Variants in CDC73 observed in about 807,000 individuals in gnomAD.
CDC73 encodes parafibromin.
CDC73 carries 21 observed loss-of-function variants against 83.7 expected under a neutral mutation model. The observed-to-expected ratio is 0.25, with a 90% CI of 0.18 to 0.36. The LOEUF is 0.36. CDC73 is among the 10% of genes least tolerant of loss of function. CDC73 has a pLI of 1.00. For missense variants in CDC73, 342 were observed against 653.3 expected (o/e 0.52, Z 5.19); for synonymous variants, 224 against 212.9 (o/e 1.05, Z -0.45).
intron 10 of CDC73, among the ~76,000 whole-genome samples, chr1:193,182,908 T>C (rs903487225): frequency 2.6e-5 from 4 of 152,076 alleles, no homozygotes; most frequent in African/African-American, 9.6e-5. Flanking sequence ...AACTTTTTAT[T>C]ATGAAAATTA....
chr1:193,132,749 A>G (rs898480820), intron 3 of CDC73, among the ~76,000 whole-genome samples: 2 of 152,002 alleles, frequency 1.3e-5, no homozygotes, highest in African/African-American at 4.8e-5. Flanking sequence ...AAGATGTGAT[A>G]TAAGGTCTAA....
chr1:193,244,804 C>T (rs1357872522), intron 15 of CDC73, among the ~76,000 whole-genome samples: 1 of 152,078 alleles, frequency 6.6e-6, no homozygotes, highest in Non-Finnish European at 1.5e-5. Context: ...TGTATTATGT[C>T]CTTATTCTGC....
intron 10 of CDC73, among the ~76,000 whole-genome samples, chr1:193,159,725 A>G (rs1459787032): frequency 2.0e-5 from 3 of 152,214 alleles, no homozygotes; most frequent in Admixed American, 6.5e-5. Context: ...ATGTTTTTAT[A>G]TTAAACATAT....
intron 5 of CDC73, among the ~76,000 whole-genome samples, chr1:193,135,868 C>CTTCTTTTTTTTTTTTTTTTTTT (rs1447225590): frequency 7.9e-6 from 1 of 127,178 alleles, no homozygotes. Flanking sequence ...CCTTTCTGTT[C>CTTCTTTTTTTTTTTTTTTTTTT]TTTTTTTTTT....
chr1:193,134,778 C>T (rs1675760302), intron 3 of CDC73, among the ~76,000 whole-genome samples: 1 of 152,036 alleles, frequency 6.6e-6, no homozygotes, highest in South Asian at 2.1e-4. Context: ...AGTATGTCAC[C>T]TTTTGTATTA....
intron 13 of CDC73, among the ~76,000 whole-genome samples, chr1:193,226,080 A>G (rs1384483265): frequency 6.6e-6 from 1 of 152,098 alleles, no homozygotes; most frequent in Non-Finnish European, 1.5e-5. Flanking sequence ...TCCTTGACCC[A>G]TCTTGAGTTG....
At chr1:193,241,064 G>A (rs1289839974) in intron 15 of CDC73, among the ~76,000 whole-genome samples, 1 of 151,918 alleles carries the variant, frequency 6.6e-6, no homozygotes, top group Non-Finnish European at 1.5e-5. Flanking sequence ...CTTTTTTTTG[G>A]AGGTATCATA....
chr1:193,217,531 G>A (rs1677391299), intron 13 of CDC73, among the ~76,000 whole-genome samples: 1 of 152,068 alleles, frequency 6.6e-6, no homozygotes, highest in South Asian at 2.1e-4. Flanking sequence ...GCTGGTGCCT[G>A]TTGGTGTGCT....
intron 10 of CDC73, among the ~76,000 whole-genome samples, chr1:193,182,150 G>A (rs1038491518): frequency 3.9e-5 from 6 of 152,090 alleles, no homozygotes; most frequent in African/African-American, 9.7e-5. Context: ...TGGGACAGAC[G>A]GTGCAAGGTT....
At chr1:193,146,074 C>T (rs909947340) in intron 7 of CDC73, among the ~76,000 whole-genome samples, 1 of 151,996 alleles carries the variant, frequency 6.6e-6, no homozygotes, top group Admixed American at 6.6e-5. Context: ...GAAGAGTGGT[C>T]CCAGCCAAGG....
intron 10 of CDC73, among the ~76,000 whole-genome samples, chr1:193,201,478 C>CT (rs1207803213): frequency 1.3e-5 from 2 of 152,120 alleles, no homozygotes; most frequent in Non-Finnish European, 2.9e-5. Context: ...TTCCTTGTAG[C>CT]TAGTGGTTTT....
intron 10 of CDC73, among the ~76,000 whole-genome samples, chr1:193,169,520 G>C (rs1026257261): frequency 2.0e-5 from 3 of 152,152 alleles, no homozygotes; most frequent in African/African-American, 7.2e-5. Flanking sequence ...ACCCCAGCCT[G>C]GGCGACATAG....
chr1:193,208,651 A>G (rs2103182213), intron 11 of CDC73, among the ~76,000 whole-genome samples: 1 of 152,240 alleles, frequency 6.6e-6, no homozygotes, highest in South Asian at 2.1e-4. Flanking sequence ...TTCTGGCTTA[A>G]TAGTTATAGG....
chr1:193,188,976 C>T (rs1676873901), intron 10 of CDC73, among the ~76,000 whole-genome samples: 1 of 147,230 alleles, frequency 6.8e-6, no homozygotes, highest in Admixed American at 6.8e-5. Context: ...TTTTTGGAGA[C>T]AGAGTTTTGC....
At position 193,181,927 on chromosome 1, in the gene CDC73, A is replaced by T. The variant is rs551683166; in HGVS notation, c.973-21868A>T. On this transcript the variant is annotated intron_variant, in intron 10 of 16. Transcript: ENST00000367435. ...GATGGATTCATTTCATTGTCTTGTT[A>T]CACTGGTCATTTGTACTTTTGACCC... is the stretch of plus-strand genomic sequence containing the variant. 5.9e-5 allele frequency among the ~76,000 whole-genome samples: 9 copies of T among 152,290 alleles called. No homozygotes were observed. The East Asian group carries it at 1.7e-3, about 29-fold the overall frequency.
At chr1:193,191,542 C>A (rs2103168538) in intron 10 of CDC73, among the ~76,000 whole-genome samples, 1 of 152,166 alleles carries the variant, frequency 6.6e-6, no homozygotes, top group South Asian at 2.1e-4. Flanking sequence ...CGTGTGCCAC[C>A]ACACTTGGCT....
At chr1:193,243,351 T>A (rs1677896187) in intron 15 of CDC73, among the ~76,000 whole-genome samples, 1 of 152,248 alleles carries the variant, frequency 6.6e-6, no homozygotes, top group Non-Finnish European at 1.5e-5. Flanking sequence ...GCATCATTGC[T>A]TCATGCGAAT....
rs746053637 is a variant in CDC73, at chr1:193,122,151, C to A, written c.-50C>A. The A allele has an allele frequency of 4.4e-6, 7 of 1,586,408 alleles. No individual in the cohort carries two copies. The highest frequency in any genetic ancestry group is 6.1e-6 in the Non-Finnish European group (7 of 1,155,976). On this transcript the variant is annotated 5_prime_UTR_variant, in exon 1 of 17. Transcript: ENST00000367435. ...GGCGACAAGAGAAGAAGGAGGCAGGCGCGGCGGCAGCGGCGGCGCCCCGAG... is the reference window on the plus strand; with the variant it reads ...GGCGACAAGAGAAGAAGGAGGCAGGAGCGGCGGCAGCGGCGGCGCCCCGAG...
chr1:193,208,572 C>A (rs970353517), intron 11 of CDC73, among the ~76,000 whole-genome samples: 1 of 152,174 alleles, frequency 6.6e-6, no homozygotes, highest in South Asian at 2.1e-4. Context: ...GTACTCTTTT[C>A]GATCCTTTGT....
Sources: gnomAD v4.1 joint callset for allele counts (sites outside exome capture counted in the v4.1 genomes callset) on GRCh38, gnomAD v4.1.1 for gene constraint, MANE v1.5 for transcripts, NCBI Gene and HGNC (gene_info 2026-07-23, HGNC 2026-07-21) for gene names.